The following SYT7 variants were observed in gnomAD, a reference collection of about 807,000 sequenced individuals.
The protein encoded by SYT7 is synaptotagmin 7, also known as synaptotagmin-7.
SYT7 carries 29 observed loss-of-function variants against 75.1 expected under a neutral mutation model. The observed-to-expected ratio is 0.39, with a 90% CI of 0.29 to 0.53. The LOEUF is 0.53. Among genes scored for constraint, SYT7 ranks in the 20% least tolerant of loss-of-function variants. The pLI is 0.77. For missense variants in SYT7, 693 were observed against 953.2 expected (o/e 0.73, Z 3.59); for synonymous variants, 376 against 401.7 (o/e 0.94, Z 0.76).
chr11:61,579,853 G>T (rs1461688566), intron 1 of SYT7, among the ~76,000 whole-genome samples: 3 of 152,216 alleles, frequency 2.0e-5, no homozygotes, highest in African/African-American at 7.2e-5. Flanking sequence ...TGGCAGACTG[G>T]GGGTGCTGGG....
upstream of SYT7, among the ~76,000 whole-genome samples, chr11:61,583,285 C>T (rs945689024): frequency 1.3e-5 from 2 of 152,182 alleles, no homozygotes; most frequent in East Asian, 3.9e-4. Flanking sequence ...GGCACACAGA[C>T]AGGTTCCCTG....
At chr11:61,530,996 TCG>T (rs2062687768) in intron 8 of SYT7, 2 of 985,282 alleles carry the variant, frequency 2.0e-6, no homozygotes, top group African/African-American at 1.7e-5. Flanking sequence ...AGGTGTGGCC[TCG>T]CCTCTTCTCA....
At chr11:61,549,013 A>T (rs755180852) in intron 3 of SYT7, among the ~76,000 whole-genome samples, 1 of 151,578 alleles carries the variant, frequency 6.6e-6, no homozygotes, top group African/African-American at 2.4e-5. Context: ...TTGACAGAAA[A>T]CCCCCTTCCC....
chr11:61,524,635 C>G lies in SYT7; in HGVS notation c.1472-103G>C. The G allele has an allele frequency of 8.7e-7, 1 of 1,153,498 alleles. No individual in the cohort carries two copies. Among genetic ancestry groups the G allele is most frequent in the South Asian group, 1.6e-5 (1 of 64,072 alleles). The allele number at this position is 1,153,498 out of a possible 1,614,324, so 71.5% of individuals were successfully genotyped here. On this transcript the variant is annotated intron_variant, in intron 9 of 12. Coordinates refer to ENST00000539008, the MANE Select transcript of SYT7 (RefSeq NM_001365809.2). The surrounding 1 kb of genome is among the most constrained non-coding windows in gnomAD (Gnocchi z 4.1). ...GAAGAGGAGGCAGGCCCTGTGCCCTCCCGCTGCCACCCCACCGGGCCAGCA... is the reference window on the plus strand; with the variant it reads ...GAAGAGGAGGCAGGCCCTGTGCCCTGCCGCTGCCACCCCACCGGGCCAGCA...
At chr11:61,567,374 G>A (rs886489285) in intron 1 of SYT7, among the ~76,000 whole-genome samples, 3 of 149,726 alleles carry the variant, frequency 2.0e-5, no homozygotes, top group African/African-American at 5.1e-5. Context: ...TGCTGAAACA[G>A]CTGTCGGCCA....
chr11:61,559,653 C>T (rs1055367674), intron 1 of SYT7, among the ~76,000 whole-genome samples: 1 of 152,158 alleles, frequency 6.6e-6, no homozygotes, highest in Non-Finnish European at 1.5e-5. Flanking sequence ...CCCCATACAC[C>T]TCTTTGCCAT....
rs1189793329 is a variant in SYT7 at position 61,538,130 on chromosome 11, G to A, written c.1064+14C>T. 14 of 1,535,714 alleles carry A rather than the reference G, an allele frequency of 9.1e-6. 1 individual carries two copies. The Admixed American group carries it at 1.4e-4, about 15-fold the overall frequency. Reference sequence around the variant, plus strand: ...TCTGCCGCCGCCGCCGCAGGCCCTCGCCTGTGCTCGTACCTCTTGTCCCCC... The same window carrying A: ...TCTGCCGCCGCCGCCGCAGGCCCTCACCTGTGCTCGTACCTCTTGTCCCCC... On this transcript the variant is annotated intron_variant, in intron 7 of 12. Coordinates refer to ENST00000539008, the MANE Select transcript of SYT7 (RefSeq NM_001365809.2).
intron 1 of SYT7, among the ~76,000 whole-genome samples, chr11:61,564,066 C>T (rs2063705911): frequency 6.6e-6 from 1 of 152,076 alleles, no homozygotes; most frequent in East Asian, 1.9e-4. Context: ...TTTGTCAACC[C>T]CCTTTTCTTG....
At chr11:61,519,484 C>G (rs563190309) in intron 12 of SYT7, among the ~76,000 whole-genome samples, 1 of 152,144 alleles carries the variant, frequency 6.6e-6, no homozygotes, top group Non-Finnish European at 1.5e-5. Flanking sequence ...TCCTTAAGAC[C>G]GTTAAGATCA....
rs1383462871 is a variant in SYT7 at position 61,514,807 on chromosome 11, G to A, written c.*3820C>T. 6.6e-6 allele frequency among the ~76,000 whole-genome samples: 1 copy of A among 152,228 alleles called. No individual in the cohort carries two copies. Among genetic ancestry groups the A allele is most frequent in the African/African-American group, 2.4e-5 (1 of 41,452 alleles). ...TGAAACTAGAAGAGGGCTGAGAGAA[G>A]CCGCAGGTCCAGCCAACAGACACAG... On this transcript the variant is annotated 3_prime_UTR_variant, in exon 13 of 13. Coordinates refer to ENST00000539008, the MANE Select transcript of SYT7 (RefSeq NM_001365809.2).
intron 1 of SYT7, among the ~76,000 whole-genome samples, chr11:61,563,698 T>C (rs979226951): frequency 6.6e-6 from 1 of 152,162 alleles, no homozygotes; most frequent in African/African-American, 2.4e-5. Flanking sequence ...CCTAGGCTGT[T>C]CCTTCTTCCT....
intron 7 of SYT7, chr11:61,533,467 C>T (rs943432058): frequency 5.1e-5 from 50 of 985,304 alleles, no homozygotes; most frequent in Non-Finnish European, 6.0e-5. Context: ...GCCCCCAGTC[C>T]TCAGAGGCTT....
intron 1 of SYT7, among the ~76,000 whole-genome samples, chr11:61,568,728 T>C (rs1354714353): frequency 6.6e-6 from 1 of 152,158 alleles, no homozygotes; most frequent in Non-Finnish European, 1.5e-5. Context: ...CCCCCCACCA[T>C]CCTCACCTCT....
intron 1 of SYT7, among the ~76,000 whole-genome samples, chr11:61,562,999 G>A (rs1233542545): frequency 6.6e-6 from 1 of 152,110 alleles, no homozygotes; most frequent in Admixed American, 6.5e-5. Flanking sequence ...AGGGGGTGCC[G>A]CAGGAGCAGT....
At position 61,530,973 on chromosome 11, in the gene SYT7, G is replaced by A. The variant is rs1590847352; in HGVS notation, c.1200+2016C>T. ...AAGCCACCCCTATACCAGGGCAGGAGGTGCCCAGAAGCAGGTGTGGCCTCG... is the reference window on the plus strand; with the variant it reads ...AAGCCACCCCTATACCAGGGCAGGAAGTGCCCAGAAGCAGGTGTGGCCTCG... On this transcript the variant is annotated intron_variant, in intron 8 of 12. Transcript: ENST00000539008. 8 of 985,308 alleles carry A rather than the reference G, an allele frequency of 8.1e-6. No homozygotes were observed. In the African/African-American group the frequency reaches 1.0e-4, roughly 13 times the overall value. 61.0% of individuals were successfully genotyped at this position (985,308 alleles called of 1,614,324 possible).
Position 61,517,847 on chromosome 11 carries a change from A to T in SYT7, c.*780T>A. The T allele has an allele frequency of 4.9e-6, 1 of 206,128 alleles. No individual in the cohort carries two copies. The highest frequency in any genetic ancestry group is 9.4e-6 in the Non-Finnish European group (1 of 105,838). 12.8% of individuals were successfully genotyped at this position (206,128 alleles called of 1,614,324 possible). ...AGGGGGGCACCAAGGGGAGAAGGGG[A>T]GGAGACGGGGGGATGGCAGGAGGCA... On this transcript the variant is annotated 3_prime_UTR_variant, in exon 13 of 13. Coordinates refer to ENST00000539008, the MANE Select transcript of SYT7 (RefSeq NM_001365809.2).
intron 5 of SYT7, among the ~76,000 whole-genome samples, chr11:61,545,250 C>G (rs2063149293): frequency 6.6e-6 from 1 of 152,226 alleles, no homozygotes; most frequent in African/African-American, 2.4e-5. Context: ...GTTCGACAAG[C>G]TCAGACAGCT....
At chr11:61,540,309 C>T (rs980924169) in intron 6 of SYT7, 1 of 182,142 alleles carries the variant, frequency 5.5e-6, no homozygotes, top group East Asian at 1.9e-4. Flanking sequence ...CTACTGGAGC[C>T]ACCAGCGTTT....
intron 2 of SYT7, among the ~76,000 whole-genome samples, chr11:61,555,749 G>A (rs570191526): frequency 1.1e-4 from 16 of 151,866 alleles, no homozygotes; most frequent in Admixed American, 9.8e-4. Context: ...GTGTGCCTGC[G>A]GTGCTTTATG....
Sources: gnomAD v4.1 joint callset for allele counts (sites outside exome capture counted in the v4.1 genomes callset) on GRCh38, gnomAD v4.1.1 for gene constraint, Gnocchi (gnomAD v3.1) non-coding constraint, MANE v1.5 for transcripts, NCBI Gene and HGNC (gene_info 2026-07-23, HGNC 2026-07-21) for gene names.